The following DLG1 variants were observed in gnomAD, a reference collection of about 807,000 sequenced individuals.
The protein encoded by DLG1 is discs large MAGUK scaffold protein 1.
A neutral mutation model predicts 123.4 loss-of-function variants in DLG1; 42 were observed. The ratio of observed to expected loss-of-function variants is 0.34; its 90% CI spans 0.27 to 0.44. The LOEUF is 0.44. Ranked by LOEUF, DLG1 falls within the 20% of genes least tolerant of loss-of-function variation. The probability of loss-of-function intolerance (pLI) is 1.00; values close to 1 mark genes in which losing one functional copy is unlikely to be tolerated. For synonymous variants in DLG1, 317 were observed against 356.2 expected, an observed-to-expected ratio of 0.89 and a Z score of 1.24; for missense variants, 942 against 1,082.6, an observed-to-expected ratio of 0.87 and a Z score of 1.82.
intron 4 of DLG1, among the ~76,000 whole-genome samples, chr3:197,228,827 T>C (rs1485445165): frequency 1.3e-5 from 2 of 152,210 alleles, no homozygotes; most frequent in East Asian, 3.8e-4. Context: ...AAATAATTAT[T>C]AACAGTAGCA....
intron 13 of DLG1, among the ~76,000 whole-genome samples, chr3:197,110,275 T>A (rs1020439032): frequency 6.6e-6 from 1 of 152,240 alleles, no homozygotes; most frequent in Non-Finnish European, 1.5e-5. Context: ...AAATCTGCTG[T>A]TGACCTTGTC....
In DLG1 at chr3:197,242,806, C is replaced by G. The variant is rs577643844; in HGVS notation, c.318+39873G>C. On this transcript the variant is annotated intron_variant, in intron 4 of 24. Coordinates refer to ENST00000667157, the MANE Select transcript of DLG1 (RefSeq NM_001366207.1). ...GGTTTATGGCAATAAACACCTGCAT[C>G]AAAAAAGTAGAAATAGGCTGGGCAT... is the stretch of plus-strand genomic sequence containing the variant. Among the ~76,000 whole-genome samples the G allele has an allele frequency of 1.8e-3, 281 of 152,092 alleles. 1 individual carries two copies. The highest frequency in any genetic ancestry group is 3.4e-3 in the Non-Finnish European group (233 of 67,976).
At chr3:197,087,366 A>G (rs1377074823) in intron 15 of DLG1, among the ~76,000 whole-genome samples, 1 of 150,450 alleles carries the variant, frequency 6.6e-6, no homozygotes, top group Non-Finnish European at 1.5e-5. Flanking sequence ...TTAGAAATAC[A>G]TTGACTAAAA....
At chr3:197,288,738 AAAAAAATACATACATAC>A (rs1773218777) in intron 3 of DLG1, among the ~76,000 whole-genome samples, 1 of 122,530 alleles carries the variant, frequency 8.2e-6, no homozygotes, top group Non-Finnish European at 1.8e-5. Context: ...AAAAAAAAAA[AAAAAAATACATACATAC>A]ATACATACAT....
chr3:197,222,343 G>C (rs1737568974), intron 4 of DLG1, among the ~76,000 whole-genome samples: 2 of 152,058 alleles, frequency 1.3e-5, no homozygotes, highest in African/African-American at 4.8e-5. Context: ...CAAAGCCCAA[G>C]AAAAAAGATG....
chr3:197,288,966 A>G (rs550936801), intron 3 of DLG1, among the ~76,000 whole-genome samples: 3 of 152,140 alleles, frequency 2.0e-5, no homozygotes, highest in Admixed American at 6.5e-5. Flanking sequence ...ATGAGAAGGA[A>G]GAAGATTCTT....
intron 5 of DLG1, among the ~76,000 whole-genome samples, chr3:197,162,747 T>G (rs1331303785): frequency 6.6e-6 from 1 of 152,182 alleles, no homozygotes; most frequent in Non-Finnish European, 1.5e-5. Context: ...ATATGAGATT[T>G]GAAAACATAA....
chr3:197,198,418 T>C (rs936832270), intron 4 of DLG1, among the ~76,000 whole-genome samples: 18 of 141,878 alleles, frequency 1.3e-4, no homozygotes, highest in Admixed American at 2.3e-4. Flanking sequence ...AGCCGGGAAG[T>C]GGAGGTTGCA....
At chr3:197,233,755 A>C (rs1744513525) in intron 4 of DLG1, among the ~76,000 whole-genome samples, 1 of 152,020 alleles carries the variant, frequency 6.6e-6, no homozygotes, top group Non-Finnish European at 1.5e-5. Context: ...CCTGACCTCA[A>C]GTGATCTGCC....
At chr3:197,200,663 T>C (rs958898289) in intron 4 of DLG1, among the ~76,000 whole-genome samples, 19 of 152,262 alleles carry the variant, frequency 1.2e-4, no homozygotes, top group African/African-American at 4.1e-4. Flanking sequence ...GAGGCAAGGA[T>C]AGTTCAACAT....
At chr3:197,087,424 T>C (rs981976774) in intron 15 of DLG1, among the ~76,000 whole-genome samples, 2 of 151,866 alleles carry the variant, frequency 1.3e-5, no homozygotes. Flanking sequence ...TGTGTGCCTG[T>C]AGTCCCAGCT....
Position 197,097,285 on chromosome 3 carries a change from A to G in DLG1, c.1547-6259T>C, listed in dbSNP as rs1414967996. Among the ~76,000 whole-genome samples the G allele has an allele frequency of 6.6e-5, 10 of 152,296 alleles. 1 individual carries two copies. Among genetic ancestry groups the G allele is most frequent in the Admixed American group, 6.5e-4 (10 of 15,300 alleles). ...ACATGCAGATTGTACAAAAACTCTT[A>G]TAGTTCACTTGGTGTTCTCAAATTT... On this transcript the variant is annotated intron_variant, in intron 14 of 24. Coordinates refer to ENST00000667157, the MANE Select transcript of DLG1 (RefSeq NM_001366207.1).
chr3:197,203,098 C>T (rs1726670282), intron 4 of DLG1, among the ~76,000 whole-genome samples: 1 of 152,052 alleles, frequency 6.6e-6, no homozygotes, highest in African/African-American at 2.4e-5. Context: ...TCTGCCTCTA[C>T]AAAAAATTTT....
intron 5 of DLG1, among the ~76,000 whole-genome samples, chr3:197,161,356 A>G (rs1798686745): frequency 1.3e-5 from 2 of 152,208 alleles, no homozygotes; most frequent in African/African-American, 2.4e-5. Context: ...AAATGTTTAA[A>G]AACTGTTTTA....
intron 4 of DLG1, among the ~76,000 whole-genome samples, chr3:197,267,000 G>T (rs1579019713): frequency 6.6e-6 from 1 of 152,132 alleles, no homozygotes; most frequent in African/African-American, 2.4e-5. Context: ...AAAGAAAACT[G>T]TAACTATAAA....
At chr3:197,108,976 G>C (rs146212705) in intron 13 of DLG1, among the ~76,000 whole-genome samples, 1 of 151,926 alleles carries the variant, frequency 6.6e-6, no homozygotes, top group South Asian at 2.1e-4. Flanking sequence ...ATATTTCCTA[G>C]TGTACCATTT....
chr3:197,192,323 T>A (rs2150238219), intron 5 of DLG1, among the ~76,000 whole-genome samples: 1 of 152,128 alleles, frequency 6.6e-6, no homozygotes, highest in Non-Finnish European at 1.5e-5. Context: ...TATTCAAACT[T>A]GTGGGATACA....
At chr3:197,288,719 CAA>C (rs1214430122) in intron 3 of DLG1, among the ~76,000 whole-genome samples, 15 of 61,926 alleles carry the variant, frequency 2.4e-4, no homozygotes, top group African/African-American at 5.6e-4. Flanking sequence ...GAAACTGTCT[CAA>C]AAAAAAAAAA....
intron 4 of DLG1, among the ~76,000 whole-genome samples, chr3:197,223,834 G>C (rs578007077): frequency 3.3e-5 from 5 of 152,014 alleles, no homozygotes; most frequent in Non-Finnish European, 7.4e-5. Context: ...TAATTTACTT[G>C]TCAGTTTCAC....
Sources: allele counts gnomAD v4.1 joint callset (sites outside exome capture counted in the v4.1 genomes callset), GRCh38; gene constraint gnomAD v4.1.1; transcripts MANE v1.5; gene names NCBI Gene and HGNC (gene_info 2026-07-23, HGNC 2026-07-21).